Variants in MICAL3 observed in about 807,000 individuals in gnomAD.
MICAL3 encodes the protein [F-actin]-monooxygenase MICAL3.
A neutral mutation model predicts 207.4 loss-of-function variants in MICAL3; 62 were observed. The ratio of observed to expected loss-of-function variants is 0.30; its 90% CI spans 0.24 to 0.37. The LOEUF is 0.37. Among genes scored for constraint, MICAL3 ranks in the 10% least tolerant of loss-of-function variants. MICAL3 has a pLI of 1.00. For missense variants in MICAL3, 2,368 were observed against 2,635.6 expected (o/e 0.90, Z 2.22); for synonymous variants, 1,077 against 1,069.3 (o/e 1.01, Z -0.14).
At chr22:17,816,420 G>A (rs1319257439) in intron 27 of MICAL3, among the ~76,000 whole-genome samples, 1 of 152,246 alleles carries the variant, frequency 6.6e-6, no homozygotes, top group African/African-American at 2.4e-5. Flanking sequence ...TCCAGAGAAG[G>A]GGAGTGTGAC....
intron 5 of MICAL3, 66 bp downstream of exon 5, chr22:17,901,812 C>T: frequency 3.1e-6 from 4 of 1,296,526 alleles, no homozygotes; most frequent in Non-Finnish European, 4.4e-6. Context: ...ACAGTCTCGC[C>T]CCAGAGGTAG....
At chr22:17,879,377 T>G (rs1929204896) in intron 16 of MICAL3, 2 of 1,612,534 alleles carry the variant, frequency 1.2e-6, no homozygotes, top group East Asian at 4.5e-5. Context: ...CTTGCCACGG[T>G]TGTCAGCATC....
intron 16 of MICAL3, among the ~76,000 whole-genome samples, chr22:17,879,761 T>A (rs1356219616): frequency 6.6e-6 from 1 of 152,152 alleles, no homozygotes; most frequent in Non-Finnish European, 1.5e-5. Flanking sequence ...GGTGACACAT[T>A]CCACAACAAG....
intron 1 of MICAL3, among the ~76,000 whole-genome samples, chr22:17,959,625 T>C (rs1466200690): frequency 6.6e-6 from 1 of 152,196 alleles, no homozygotes; most frequent in Non-Finnish European, 1.5e-5. Context: ...GCCTGTTTTA[T>C]ATGGAGTATG....
intron 1 of MICAL3, among the ~76,000 whole-genome samples, chr22:17,979,786 A>AC (rs202146554): frequency 1.2e-5 from 1 of 80,856 alleles, no homozygotes; most frequent in African/African-American, 6.4e-5. Context: ...TAAAAAAACA[A>AC]AAAAAAACAA....
chr22:17,806,243 C>A (rs574328940), intron 29 of MICAL3, among the ~76,000 whole-genome samples: 126 of 152,316 alleles, frequency 8.3e-4, no homozygotes, highest in Non-Finnish European at 1.4e-3. Context: ...GCTCACCTGC[C>A]ACCGTTCAGG....
Position 17,921,678 on chromosome 22 carries a change from G to A in MICAL3, c.-74-14792C>T, listed in dbSNP as rs1291070590. On this transcript the variant is annotated intron_variant, in intron 1 of 31. Coordinates refer to ENST00000441493, the MANE Select transcript of MICAL3 (RefSeq NM_015241.3). ...TAATTTTCATATTTTTAGTAGAGAC[G>A]GGATTTCACCATGTTGGCCAGGCTA... 5.9e-5 allele frequency among the ~76,000 whole-genome samples: 9 copies of A among 152,150 alleles called. No homozygotes were observed. The East Asian group carries it at 1.5e-3, about 26-fold the overall frequency.
chr22:17,899,929 A>C (rs1481664332), intron 6 of MICAL3, among the ~76,000 whole-genome samples: 13 of 152,236 alleles, frequency 8.5e-5, no homozygotes, highest in Non-Finnish European at 1.5e-4. Flanking sequence ...ATTCTTAAGA[A>C]CAGGATAGAC....
At chr22:17,947,347 A>G (rs1934123174) in intron 1 of MICAL3, among the ~76,000 whole-genome samples, 1 of 152,234 alleles carries the variant, frequency 6.6e-6, no homozygotes, top group African/African-American at 2.4e-5. Flanking sequence ...GGACAAGGAA[A>G]TCCCTTAAGG....
At chr22:17,901,762 C>T (rs1381466625) in intron 5 of MICAL3, 116 bp downstream of exon 5, 33 of 661,940 alleles carry the variant, frequency 5.0e-5, no homozygotes, top group Non-Finnish European at 7.1e-5. Context: ...GGGCAGGAAG[C>T]ACACATTCAG....
intron 19 of MICAL3, chr22:17,863,474 T>C: frequency 1.0e-6 from 1 of 985,450 alleles, no homozygotes; most frequent in Non-Finnish European, 1.2e-6. Flanking sequence ...GAGTGTCAGC[T>C]GCAAAGGCCT....
At chr22:17,887,510 C>G in intron 13 of MICAL3, 75 bp from the exon 14 acceptor site, 1 of 919,664 alleles carries the variant, frequency 1.1e-6, no homozygotes, top group Non-Finnish European at 1.7e-6. Context: ...ACTACTCTCC[C>G]TCGTGGATGG....
chr22:17,915,975 G>A (rs1444792249), intron 1 of MICAL3, among the ~76,000 whole-genome samples: 1 of 141,816 alleles, frequency 7.1e-6, no homozygotes, highest in African/African-American at 2.6e-5. Flanking sequence ...TGTCGTCCCA[G>A]CTACCCAGGA....
intron 1 of MICAL3, among the ~76,000 whole-genome samples, chr22:17,988,232 G>A (rs1188498772): frequency 6.6e-6 from 1 of 152,134 alleles, no homozygotes; most frequent in Non-Finnish European, 1.5e-5. Context: ...AGCATTATCC[G>A]GGGCGCTGCC....
intron 9 of MICAL3, 86 bp from the exon 10 acceptor site, chr22:17,895,496 C>A: frequency 6.8e-7 from 1 of 1,479,452 alleles, no homozygotes; most frequent in African/African-American, 1.4e-5. Flanking sequence ...GACAGCGCAG[C>A]AAGTCACCTG....
chr22:17,831,307 T>C (rs1389891874), intron 21 of MICAL3, among the ~76,000 whole-genome samples: 1 of 151,816 alleles, frequency 6.6e-6, no homozygotes, highest in African/African-American at 2.4e-5. Context: ...AATTGAAAAA[T>C]CTCAAGTCCA....
rs947828544 is a variant in MICAL3 at position 17,928,411 on chromosome 22, C to A, written c.-74-21525G>T. ...CCAAGATTGCACCACTGCACACCAGCCTGGGCGAAACAGCAAGACTCCGTC... is the reference window on the plus strand; with the variant it reads ...CCAAGATTGCACCACTGCACACCAGACTGGGCGAAACAGCAAGACTCCGTC... On this transcript the variant is annotated intron_variant, in intron 1 of 31. Transcript: ENST00000441493. 2.6e-5 allele frequency among the ~76,000 whole-genome samples: 4 copies of A among 151,258 alleles called. No homozygotes were observed. In the East Asian group the frequency reaches 7.8e-4, roughly 29 times the overall value.
At chr22:17,894,034 A>T (rs1930610538) in intron 10 of MICAL3, 130 bp from the exon 11 acceptor site, 1 of 662,442 alleles carries the variant, frequency 1.5e-6, no homozygotes, top group African/African-American at 1.8e-5. Context: ...AGAAGTTAGG[A>T]TGATGACCTT....
At chr22:18,019,015 A>G (rs1924259619) in intron 1 of MICAL3, among the ~76,000 whole-genome samples, 1 of 152,104 alleles carries the variant, frequency 6.6e-6, no homozygotes, top group Admixed American at 6.5e-5. Context: ...AACATGGCGA[A>G]ACCCTGTCTG....
Sources: allele counts gnomAD v4.1 joint callset (sites outside exome capture counted in the v4.1 genomes callset), GRCh38; gene constraint gnomAD v4.1.1; transcripts MANE v1.5; gene names NCBI Gene and HGNC (gene_info 2026-07-23, HGNC 2026-07-21).